Variants in HS6ST3 observed in about 807,000 individuals in gnomAD.
The protein encoded by HS6ST3 is heparan sulfate 6-O-sulfotransferase 3.
Under a neutral mutation model 36.7 loss-of-function variants are expected in HS6ST3, and 12 were observed. The observed-to-expected ratio is 0.33, with a 90% CI of 0.21 to 0.53. HS6ST3 has a LOEUF of 0.53. Among genes scored for constraint, HS6ST3 ranks in the 20% least tolerant of loss-of-function variants. HS6ST3 has a pLI of 0.95. For missense variants in HS6ST3, 584 were observed against 640.9 expected, an observed-to-expected ratio of 0.91 and a Z score of 0.96; for synonymous variants, 240 against 257.5, an observed-to-expected ratio of 0.93 and a Z score of 0.65.
intron 1 of HS6ST3, among the ~76,000 whole-genome samples, chr13:96,694,805 T>A (rs1321482545): frequency 1.3e-5 from 2 of 152,206 alleles, no homozygotes; most frequent in East Asian, 3.9e-4. Context: ...TTGAGCTTTT[T>A]TTCATATGCT....
At chr13:96,819,702 G>C (rs2138541107) in intron 1 of HS6ST3, among the ~76,000 whole-genome samples, 1 of 152,206 alleles carries the variant, frequency 6.6e-6, no homozygotes, top group East Asian at 1.9e-4. Context: ...CACAGGAGTT[G>C]AAGTAAGAAA....
intron 1 of HS6ST3, among the ~76,000 whole-genome samples, chr13:96,391,436 G>A (rs1442491350): frequency 6.6e-6 from 1 of 152,122 alleles, no homozygotes; most frequent in Non-Finnish European, 1.5e-5. Context: ...TTGAGTTGTG[G>A]GATATGCATG....
chr13:96,475,530 C>T (rs1193905343), intron 1 of HS6ST3, among the ~76,000 whole-genome samples: 1 of 148,854 alleles, frequency 6.7e-6, no homozygotes, highest in African/African-American at 2.5e-5. Context: ...CATCAGCAGT[C>T]TGTTAAGACA....
chr13:96,105,578 A>T (rs2053837924), intron 1 of HS6ST3, among the ~76,000 whole-genome samples: 1 of 152,158 alleles, frequency 6.6e-6, no homozygotes, highest in South Asian at 2.1e-4. Context: ...TGAGCCCGGG[A>T]GGCGGAAGTT....
At chr13:96,484,669 TG>T (rs938999041) in intron 1 of HS6ST3, among the ~76,000 whole-genome samples, 8 of 152,184 alleles carry the variant, frequency 5.3e-5, no homozygotes, top group Non-Finnish European at 1.2e-4. Context: ...GTGTGGCCGT[TG>T]GCAGGATTTC....
At chr13:96,669,023 A>G (rs1346834968) in intron 1 of HS6ST3, among the ~76,000 whole-genome samples, 1 of 152,068 alleles carries the variant, frequency 6.6e-6, no homozygotes, top group African/African-American at 2.4e-5. Context: ...TTGCATTGGT[A>G]ATAGAAAATT....
chr13:96,150,217 G>T (rs897050942), intron 1 of HS6ST3, among the ~76,000 whole-genome samples: 1 of 152,180 alleles, frequency 6.6e-6, no homozygotes, highest in Non-Finnish European at 1.5e-5. Flanking sequence ...CCCTCTTTGA[G>T]GCTGAGTCTG....
chr13:96,782,455 T>C (rs971480211), intron 1 of HS6ST3, among the ~76,000 whole-genome samples: 16 of 152,124 alleles, frequency 1.1e-4, no homozygotes, highest in Admixed American at 4.6e-4. Flanking sequence ...AGCTCTGAGA[T>C]TGTGAAAATA....
chr13:96,410,039 A>G (rs1009489141), intron 1 of HS6ST3, among the ~76,000 whole-genome samples: 2 of 152,218 alleles, frequency 1.3e-5, no homozygotes, highest in Admixed American at 6.5e-5. Flanking sequence ...TACTATAAGG[A>G]TAATATCTTC....
intron 1 of HS6ST3, among the ~76,000 whole-genome samples, chr13:96,249,131 A>G (rs57587515): frequency 0.055 from 8,381 of 152,170 alleles, 313 homozygotes; most frequent in East Asian, 0.15. Context: ...GACAAAGCTG[A>G]GTTCTTTATC....
chr13:96,198,473 T>C (rs939692454), intron 1 of HS6ST3, among the ~76,000 whole-genome samples: 1 of 152,278 alleles, frequency 6.6e-6, no homozygotes, highest in Admixed American at 6.5e-5. Context: ...TTTTATGCTC[T>C]GCTGCCCTTA....
intron 1 of HS6ST3, among the ~76,000 whole-genome samples, chr13:96,493,237 T>A (rs143564089): frequency 1.3e-5 from 2 of 152,252 alleles, no homozygotes; most frequent in African/African-American, 4.8e-5. Context: ...AGACAATTCA[T>A]CATTTGGAGG....
intron 1 of HS6ST3, among the ~76,000 whole-genome samples, chr13:96,411,485 A>C (rs2055507113): frequency 6.6e-6 from 1 of 152,214 alleles, no homozygotes; most frequent in Non-Finnish European, 1.5e-5. Flanking sequence ...TTTTGGTGGG[A>C]GTAGAGCTAA....
At chr13:96,530,017 G>A (rs2056129370) in intron 1 of HS6ST3, among the ~76,000 whole-genome samples, 1 of 152,152 alleles carries the variant, frequency 6.6e-6, no homozygotes, top group Admixed American at 6.5e-5. Flanking sequence ...TGATCTTCAA[G>A]TTCTATGATT....
Position 96,836,336 on chromosome 13 carries a change from G to T in HS6ST3, c.*3138G>T, listed in dbSNP as rs1566465586. The T allele has an allele frequency of 6.6e-6, 1 of 152,074 alleles. No homozygotes were observed. The highest frequency in any genetic ancestry group is 2.4e-5 in the African/African-American group (1 of 41,398). 9.4% of individuals were successfully genotyped at this position (152,074 alleles called of 1,614,324 possible). A position where few individuals can be genotyped will look rare whatever the true frequency, so the allele number is the denominator to read the frequency against. The stretch of plus-strand genomic sequence containing the variant: ...ACTTTGTGTATATGTGCACGTGTGT[G>T]GTGTGTGTGTGTTTTATTAAGGACT... On this transcript the variant is annotated 3_prime_UTR_variant, in exon 2 of 2. Transcript: ENST00000376705.
chr13:96,769,289 CT>C (rs1877197961), intron 1 of HS6ST3, among the ~76,000 whole-genome samples: 1 of 151,984 alleles, frequency 6.6e-6, no homozygotes, highest in Non-Finnish European at 1.5e-5. Flanking sequence ...ACATTCCTGA[CT>C]TTATTTATTT....
chr13:96,243,334 C>T (rs1462852147), intron 1 of HS6ST3, among the ~76,000 whole-genome samples: 1 of 152,134 alleles, frequency 6.6e-6, no homozygotes, highest in Non-Finnish European at 1.5e-5. Context: ...CTTAGCAGAC[C>T]TTAAGCTTCT....
At chr13:96,689,254 T>C (rs1594836774) in intron 1 of HS6ST3, among the ~76,000 whole-genome samples, 1 of 152,030 alleles carries the variant, frequency 6.6e-6, no homozygotes, top group South Asian at 2.1e-4. Flanking sequence ...CCAAGCCTCA[T>C]TAGGGTCCTG....
rs192174746 is a variant in HS6ST3 at position 96,111,706 on chromosome 13, A to G, written c.707+20137A>G. Among the ~76,000 whole-genome samples, 205 of 152,340 alleles carry G rather than the reference A, an allele frequency of 1.3e-3. 1 individual carries two copies. The highest frequency in any genetic ancestry group is 6.8e-3 in the Middle Eastern group (2 of 294). On this transcript the variant is annotated intron_variant, in intron 1 of 1. Coordinates refer to ENST00000376705, the MANE Select transcript of HS6ST3 (RefSeq NM_153456.4). ...CACTCTATGAAACAGAGATTTTGGT[A>G]TATCAGCAATAAGCAACTAGACAAT...
Sources: allele counts gnomAD v4.1 joint callset (sites outside exome capture counted in the v4.1 genomes callset), GRCh38; gene constraint gnomAD v4.1.1; transcripts MANE v1.5; gene names NCBI Gene and HGNC (gene_info 2026-07-23, HGNC 2026-07-21).